The following RANBP3 variants were observed in gnomAD, a reference collection of about 807,000 sequenced individuals.
RANBP3 encodes the protein ran-binding protein 3.
Under a neutral mutation model 77.3 loss-of-function variants are expected in RANBP3, and 14 were observed. The ratio of observed to expected loss-of-function variants is 0.18; its 90% confidence interval spans 0.12 to 0.28. RANBP3 has a LOEUF of 0.28. Ranked by LOEUF, RANBP3 falls within the 10% of genes least tolerant of loss-of-function variation. The pLI is 1.00. For missense variants in RANBP3, 586 were observed against 752.3 expected (o/e 0.78, Z 2.59); for synonymous variants, 315 against 312.4 (o/e 1.01, Z -0.09).
intron 3 of RANBP3, among the ~76,000 whole-genome samples, chr19:5,947,079 C>G: frequency 6.6e-6 from 1 of 152,072 alleles, no homozygotes; most frequent in East Asian, 1.9e-4. Flanking sequence ...TTTGGGAGGC[C>G]TGGGCGGGTG....
At chr19:5,942,330 AG>A (rs2058148424) in intron 3 of RANBP3, among the ~76,000 whole-genome samples, 1 of 152,212 alleles carries the variant, frequency 6.6e-6, no homozygotes, top group Non-Finnish European at 1.5e-5. Context: ...TCCCAGAGCA[AG>A]CAAGAGCTTG....
intron 12 of RANBP3, among the ~76,000 whole-genome samples, 192 bp from the exon 13 acceptor site, chr19:5,923,495 C>A (rs1003706269): frequency 3.9e-5 from 6 of 152,154 alleles, no homozygotes; most frequent in African/African-American, 1.2e-4. Flanking sequence ...TGCAGGGAGA[C>A]CATCTGGGGG....
At chr19:5,936,700 C>T (rs139853159) in intron 5 of RANBP3, among the ~76,000 whole-genome samples, 4 of 152,276 alleles carry the variant, frequency 2.6e-5, no homozygotes, top group South Asian at 2.1e-4. Flanking sequence ...ACAACGGGGA[C>T]CTGCCTGACA....
At chr19:5,925,972 C>T (rs1473583101) in intron 9 of RANBP3, among the ~76,000 whole-genome samples, 1 of 152,184 alleles carries the variant, frequency 6.6e-6, no homozygotes, top group Non-Finnish European at 1.5e-5. Context: ...TCCAAGGAGC[C>T]TTTTCCACCT....
chr19:5,977,555 G>A (rs2058609551), intron 1 of RANBP3, among the ~76,000 whole-genome samples: 1 of 152,136 alleles, frequency 6.6e-6, no homozygotes, highest in Admixed American at 6.5e-5. Context: ...AACGGCCTGG[G>A]CTTCCTCCGT....
In RANBP3 at chr19:5,951,544, TC is replaced by T; in HGVS notation, c.130del (p.Glu44ArgfsTer20). The T allele has an allele frequency of 6.2e-7, 1 of 1,612,388 alleles. No homozygotes were observed. Among genetic ancestry groups the T allele is most frequent in the South Asian group, 1.1e-5 (1 of 90,862 alleles). On this transcript the variant is annotated frameshift_variant, in exon 3 of 17. Coordinates refer to ENST00000340578, the MANE Select transcript of RANBP3 (RefSeq NM_007322.3). LOFTEE classifies it high-confidence loss of function. ...CGTGCCATGGTGGGGGGCCTCAGCC[TC>T]CCCCCGAGGCTCCTCTCCCGAATCC... is the stretch of plus-strand genomic sequence containing the variant. ...LSDSGEEPRGEAEAPHHGTGH... is the reference protein window; with the variant it reads ...LSDSGEEPRGXAEAPHHGTGH...
chr19:5,956,443 A>G (rs186544313), intron 2 of RANBP3, among the ~76,000 whole-genome samples: 4 of 152,348 alleles, frequency 2.6e-5, no homozygotes, highest in African/African-American at 9.6e-5. Flanking sequence ...AAGGGAGAGG[A>G]GATAGCAGAG....
chr19:5,921,437 G>GT lies in RANBP3; in HGVS notation c.1210-117_1210-116insA. 7.2e-7 allele frequency: 1 copy of GT among 1,385,250 alleles called. No homozygotes were observed. The highest frequency in any genetic ancestry group is 2.1e-5 in the Admixed American group (1 of 48,126). 85.8% of individuals were successfully genotyped at this position (1,385,250 alleles called of 1,614,324 possible). On this transcript the variant is annotated intron_variant, in intron 13 of 16. Coordinates refer to ENST00000340578, the MANE Select transcript of RANBP3 (RefSeq NM_007322.3). This position sits in a 1 kb window ranked among gnomAD's most constrained non-coding sequence, Gnocchi z 5.3. The stretch of plus-strand genomic sequence containing the variant: ...TGCCAGGGCCAGCCAACGACGGCCT[G>GT]GGGGCCACCTTGGTCAGTTTTTTGT...
intron 1 of RANBP3, among the ~76,000 whole-genome samples, chr19:5,962,255 G>C (rs1160521733): frequency 6.6e-6 from 1 of 152,224 alleles, no homozygotes; most frequent in Non-Finnish European, 1.5e-5. Flanking sequence ...CACAGGAAGA[G>C]TGGAGAACAG....
intron 3 of RANBP3, among the ~76,000 whole-genome samples, chr19:5,946,706 GCCTCT>G (rs2058209567): frequency 6.6e-6 from 1 of 152,184 alleles, no homozygotes; most frequent in Non-Finnish European, 1.5e-5. Context: ...GGGATGGAGG[GCCTCT>G]CCTCTCAGGA....
chr19:5,934,271 A>G (rs1198617956), intron 5 of RANBP3: 2 of 152,278 alleles, frequency 1.3e-5, no homozygotes, highest in Non-Finnish European at 2.9e-5. Context: ...AAGGATTGTC[A>G]TAAAAGGCCT....
intron 1 of RANBP3, among the ~76,000 whole-genome samples, chr19:5,970,964 T>C (rs2058523155): frequency 6.6e-6 from 1 of 152,156 alleles, no homozygotes; most frequent in African/African-American, 2.4e-5. Context: ...GCTGGTCAGC[T>C]CTGGTTTAGA....
chr19:5,942,623 C>T (rs1020466009), intron 3 of RANBP3, among the ~76,000 whole-genome samples: 1 of 151,138 alleles, frequency 6.6e-6, no homozygotes, highest in East Asian at 2.0e-4. Context: ...ATCGCTTGAG[C>T]CCGGTAGGCG....
rs1182399394 is a variant in RANBP3, at chr19:5,917,568, C to T, written c.*42G>A. 7.8e-6 allele frequency: 12 copies of T among 1,537,008 alleles called. No individual in the cohort carries two copies. Among genetic ancestry groups the T allele is most frequent in the Admixed American group, 3.9e-5 (2 of 51,246 alleles). On this transcript the variant is annotated 3_prime_UTR_variant, in exon 17 of 17. Transcript: ENST00000340578. The stretch of plus-strand genomic sequence containing the variant: ...GGGGGCGGGTGGGCGGGTGGATAGA[C>T]GGACAAAGCAGCAGCCTGGTGTGCA...
Position 5,921,371 on chromosome 19 carries a change from T to C in RANBP3, c.1210-50A>G. ...GCAGGGACCCCAGCTGGTGTCCTGC[T>C]GCAGCCACACCCTGAGAGTCGCCCT... On this transcript the variant is annotated intron_variant, in intron 13 of 16. Coordinates refer to ENST00000340578, the MANE Select transcript of RANBP3 (RefSeq NM_007322.3). The surrounding 1 kb of genome is among the most constrained non-coding windows in gnomAD (Gnocchi z 5.3). 1 of 1,606,010 alleles carries C rather than the reference T, an allele frequency of 6.2e-7. No individual in the cohort carries two copies. Among genetic ancestry groups the C allele is most frequent in the South Asian group, 1.1e-5 (1 of 90,364 alleles).
intron 1 of RANBP3, among the ~76,000 whole-genome samples, chr19:5,969,338 C>T (rs760674342): frequency 2.0e-5 from 3 of 152,192 alleles, no homozygotes; most frequent in Non-Finnish European, 4.4e-5. Context: ...TCTCAAGGAC[C>T]GTTTCCACTC....
At chr19:5,919,165 C>T (rs151016608) in intron 14 of RANBP3, among the ~76,000 whole-genome samples, 94 of 152,354 alleles carry the variant, frequency 6.2e-4, no homozygotes, top group African/African-American at 2.0e-3. Flanking sequence ...AGAGTAGGAC[C>T]GCAGCTTAGC....
At chr19:5,933,793 G>A (rs1599739950) in intron 5 of RANBP3, 1 of 257,814 alleles carries the variant, frequency 3.9e-6, no homozygotes, top group East Asian at 8.5e-5. Context: ...GCTGCTCAGC[G>A]GCCCTGTACC....
intron 2 of RANBP3, among the ~76,000 whole-genome samples, chr19:5,954,340 G>A (rs1184266149): frequency 3.9e-5 from 6 of 152,074 alleles, no homozygotes; most frequent in Non-Finnish European, 8.8e-5. Flanking sequence ...ACATCTGAGG[G>A]GCAATTAGGA....
Sources: allele counts gnomAD v4.1 joint callset (sites outside exome capture counted in the v4.1 genomes callset), GRCh38; gene constraint gnomAD v4.1.1; non-coding constraint Gnocchi (gnomAD v3.1); transcripts MANE v1.5; gene names NCBI Gene and HGNC (gene_info 2026-07-23, HGNC 2026-07-21).